STPG1: variants seen among roughly 807,000 people sequenced by gnomAD.
STPG1 encodes sperm tail PG-rich repeat containing 1.
STPG1 carries 33 observed loss-of-function variants against 40.1 expected under a neutral mutation model. The observed-to-expected ratio is 0.82, with a 90% CI of 0.62 to 1.10. The LOEUF is 1.10. Among genes scored for constraint, STPG1 ranks in the 50% least tolerant of loss-of-function variants. The probability of loss-of-function intolerance (pLI) is 0.00; values close to 1 mark genes in which losing one functional copy is unlikely to be tolerated. For missense variants in STPG1, 396 were observed against 415.1 expected (o/e 0.95, Z 0.40); for synonymous variants, 150 against 155.0 (o/e 0.97, Z 0.24).
chr1:24,369,676 G>T lies in STPG1; in HGVS notation c.735C>A (p.Phe245Leu), dbSNP rs1328854571. The T allele has an allele frequency of 1.3e-6, 2 of 1,590,480 alleles. No individual in the cohort carries two copies. Among genetic ancestry groups the T allele is most frequent in the Non-Finnish European group, 8.6e-7 (1 of 1,165,612 alleles). The change falls in exon 7 of 9, where the codon TTC (phenylalanine) becomes TTA (leucine). Residue 245 changes from phenylalanine to leucine, a missense_variant and splice_region_variant. Coordinates refer to ENST00000337248, the MANE Select transcript of STPG1 (RefSeq NM_001199013.2). ...AGACCAGAATGATTGGGACTCACGGGAAAAGAGTCTTTTTTGGAACTTTTG... is the reference window on the plus strand; with the variant it reads ...AGACCAGAATGATTGGGACTCACGGTAAAAGAGTCTTTTTTGGAACTTTTG... ...DCTKVPKKTLFPKNPILNFSA... is the reference protein window; with the variant it reads ...DCTKVPKKTLLPKNPILNFSA...
intron 2 of STPG1, among the ~76,000 whole-genome samples, chr1:24,400,552 G>A (rs1428588091): frequency 6.6e-6 from 1 of 152,150 alleles, no homozygotes; most frequent in Non-Finnish European, 1.5e-5. Context: ...AAAAGAGAGT[G>A]CAAAATCAGA....
intron 8 of STPG1, 71 bp downstream of exon 8, chr1:24,360,780 T>C (rs1641052792): frequency 7.1e-7 from 1 of 1,400,412 alleles, no homozygotes; most frequent in Non-Finnish European, 9.7e-7. Context: ...TCAATGGCAT[T>C]TGATGACCCA....
intron 2 of STPG1, among the ~76,000 whole-genome samples, chr1:24,398,071 T>C (rs1643078961): frequency 6.6e-6 from 1 of 152,168 alleles, no homozygotes; most frequent in African/African-American, 2.4e-5. Context: ...AAAATTTCTA[T>C]GACTTCACAT....
chr1:24,368,624 A>C (rs7535482), intron 7 of STPG1: 57,093 of 152,180 alleles, frequency 0.38, 10,905 homozygotes, highest in East Asian at 0.43. Context: ...CAGGGTAACA[A>C]AAATCCCTGT....
intron 7 of STPG1, chr1:24,364,627 C>T: frequency 2.1e-6 from 1 of 480,490 alleles, no homozygotes; most frequent in Non-Finnish European, 3.3e-6. Flanking sequence ...GTAAAGGAGC[C>T]CAGGCATCTG....
chr1:24,411,541 A>T (rs577307084), intron 1 of STPG1: 3 of 152,354 alleles, frequency 2.0e-5, no homozygotes, highest in African/African-American at 7.2e-5. Flanking sequence ...TCCTAGGCTC[A>T]AGTGATCCTC....
intron 2 of STPG1, among the ~76,000 whole-genome samples, chr1:24,393,869 G>A (rs576867291): frequency 2.6e-5 from 4 of 152,324 alleles, no homozygotes; most frequent in Admixed American, 2.6e-4. Context: ...CCAGCTTTCT[G>A]CCAGGAGAAA....
At chr1:24,375,271 T>C (rs76319215) in intron 5 of STPG1, among the ~76,000 whole-genome samples, 2,610 of 152,290 alleles carry the variant, frequency 0.017, 77 homozygotes, top group African/African-American at 0.059. Flanking sequence ...CCTGTATTCA[T>C]TGGAGAACAG....
chr1:24,405,409 A>G (rs960857814), intron 1 of STPG1, among the ~76,000 whole-genome samples: 1 of 152,016 alleles, frequency 6.6e-6, no homozygotes, highest in African/African-American at 2.4e-5. Flanking sequence ...TTTTTTACAC[A>G]TGGCTTATTT....
At chr1:24,378,595 C>T (rs909429257) in intron 5 of STPG1, among the ~76,000 whole-genome samples, 4 of 152,296 alleles carry the variant, frequency 2.6e-5, no homozygotes, top group African/African-American at 7.2e-5. Context: ...CACTGCTCTC[C>T]AGCCTGGGCA....
chr1:24,357,254 T>A lies in STPG1; in HGVS notation c.*1289A>T, dbSNP rs1351309773. 6.6e-6 allele frequency: 1 copy of A among 152,166 alleles called. No individual in the cohort carries two copies. The highest frequency in any genetic ancestry group is 1.5e-5 in the Non-Finnish European group (1 of 68,040). 9.4% of individuals were successfully genotyped at this position (152,166 alleles called of 1,614,324 possible). On this transcript the variant is annotated 3_prime_UTR_variant, in exon 9 of 9. Transcript: ENST00000337248. Reference sequence around the variant, plus strand: ...CACCCTTGATGTCAGAACGAGGTGATGTGTGAAGGTTAAATGACAGAGGAG... The same window carrying A: ...CACCCTTGATGTCAGAACGAGGTGAAGTGTGAAGGTTAAATGACAGAGGAG...
chr1:24,378,347 T>C (rs1043297509), intron 5 of STPG1, among the ~76,000 whole-genome samples: 54 of 152,254 alleles, frequency 3.5e-4, no homozygotes, highest in African/African-American at 1.2e-3. Context: ...TAGAAAATCT[T>C]AAATGAGGCC....
Position 24,371,943 on chromosome 1 carries a change from C to T in STPG1, c.571+1759G>A, listed in dbSNP as rs956122402. Among the ~76,000 whole-genome samples the T allele has an allele frequency of 1.7e-4, 26 of 151,962 alleles. 1 individual carries two copies. The highest frequency in any genetic ancestry group is 1.4e-3 in the Admixed American group (22 of 15,258). ...CTGTAATCCCAGCACTTTGGGAGGC[C>T]GAGGCAGACGGATCACTTGAGGTCA... On this transcript the variant is annotated intron_variant, in intron 6 of 8. Transcript: ENST00000337248.
At position 24,386,729 on chromosome 1, in the gene STPG1, T is replaced by C. The variant is rs192816631; in HGVS notation, c.190-2726A>G. Among the ~76,000 whole-genome samples, 577 of 152,352 alleles carry C rather than the reference T, an allele frequency of 3.8e-3. 6 individuals carry two copies. The highest frequency in any genetic ancestry group is 0.012 in the African/African-American group (515 of 41,578). On this transcript the variant is annotated intron_variant, in intron 3 of 8. Transcript: ENST00000337248. ...GTTCCTGCGACTGACATTCTGTGAC[T>C]TGGATGAATTTAGCCTCTCAGAGCA...
intron 5 of STPG1, among the ~76,000 whole-genome samples, chr1:24,377,494 T>C (rs1257045305): frequency 6.6e-6 from 1 of 152,008 alleles, no homozygotes; most frequent in Non-Finnish European, 1.5e-5. Flanking sequence ...TGGCACATGC[T>C]CTTTCTCCAA....
intron 7 of STPG1, among the ~76,000 whole-genome samples, chr1:24,362,249 A>G (rs1458023944): frequency 6.6e-6 from 1 of 152,194 alleles, no homozygotes; most frequent in Non-Finnish European, 1.5e-5. Flanking sequence ...GTCTTCTTCA[A>G]CCTCCTTAGT....
At chr1:24,360,419 C>A (rs1641028121) in intron 8 of STPG1, among the ~76,000 whole-genome samples, 1 of 152,156 alleles carries the variant, frequency 6.6e-6, no homozygotes, top group African/African-American at 2.4e-5. Flanking sequence ...GCACTCCAGC[C>A]TGGGCGATAC....
chr1:24,377,149 C>T (rs939185519), intron 5 of STPG1, among the ~76,000 whole-genome samples: 2 of 151,866 alleles, frequency 1.3e-5, no homozygotes, highest in African/African-American at 4.8e-5. Flanking sequence ...TGCCTGTAAT[C>T]CCAGCTGAGG....
In STPG1 at chr1:24,378,051, TGCCGAGG is replaced by T. The variant is rs1293732938; in HGVS notation, c.462+1595_462+1601del. ...CCTCATCATTTTCAGGCTCTGATTA[TGCCGAGG>T]GAAGACTGCCTGGAGTTGGACTGCC... On this transcript the variant is annotated intron_variant, in intron 5 of 8. Transcript: ENST00000337248. Among the ~76,000 whole-genome samples, 766 of 152,260 alleles carry T rather than the reference TGCCGAGG, an allele frequency of 5.0e-3. 7 individuals carry two copies. The highest frequency in any genetic ancestry group is 0.017 in the African/African-American group (714 of 41,534).
Sources: gnomAD v4.1 joint callset for allele counts (sites outside exome capture counted in the v4.1 genomes callset) on GRCh38, gnomAD v4.1.1 for gene constraint, MANE v1.5 for transcripts, NCBI Gene and HGNC (gene_info 2026-07-23, HGNC 2026-07-21) for gene names.